The following TEK variants were observed in gnomAD, a reference collection of about 807,000 sequenced individuals.
The protein encoded by TEK is TEK receptor tyrosine kinase.
In TEK, 43 loss-of-function variants were observed where a neutral mutation model predicts 131.8. The observed-to-expected ratio is 0.33, with a 90% CI of 0.26 to 0.42. The LOEUF (loss-of-function observed/expected upper bound fraction) is 0.42, where lower values mean the gene tolerates loss of function less well. TEK is among the 10% of genes least tolerant of loss of function. The pLI is 1.00. For synonymous variants in TEK, 580 were observed against 491.6 expected (o/e 1.18, Z -2.38); for missense variants, 1,162 against 1,384.4 (o/e 0.84, Z 2.55).
At chr9:27,111,567 G>C (rs1489495720) in intron 1 of TEK, among the ~76,000 whole-genome samples, 2 of 149,962 alleles carry the variant, frequency 1.3e-5, no homozygotes, top group South Asian at 2.1e-4. Context: ...TTTAGTGAAG[G>C]TGGCTCTGGA....
In TEK at chr9:27,115,693, C is replaced by T. The variant is rs542923220; in HGVS notation, c.52+6051C>T. On this transcript the variant is annotated intron_variant, in intron 1 of 22. Transcript: ENST00000380036. ...AAGTCAGGTCCAGTTATAGTTATAACTTGCTCATAGCCAAATGATTTTGAA... is the reference window on the plus strand; with the variant it reads ...AAGTCAGGTCCAGTTATAGTTATAATTTGCTCATAGCCAAATGATTTTGAA... 7.2e-5 allele frequency among the ~76,000 whole-genome samples: 11 copies of T among 152,236 alleles called. No individual in the cohort carries two copies. The South Asian group carries it at 2.1e-3, about 29-fold the overall frequency.
At chr9:27,154,726 G>C (rs942211173) in intron 1 of TEK, among the ~76,000 whole-genome samples, 1 of 152,108 alleles carries the variant, frequency 6.6e-6, no homozygotes, top group Admixed American at 6.5e-5. Context: ...GATCCTTCTG[G>C]TACTGTAAAT....
chr9:27,130,366 A>G (rs1822163647), intron 1 of TEK, among the ~76,000 whole-genome samples: 1 of 152,226 alleles, frequency 6.6e-6, no homozygotes, highest in Non-Finnish European at 1.5e-5. Flanking sequence ...CCACACACCA[A>G]AATAAATTCA....
chr9:27,212,003 A>AG (rs1554701306), intron 16 of TEK, among the ~76,000 whole-genome samples: 133 of 150,442 alleles, frequency 8.8e-4, no homozygotes, highest in African/African-American at 2.5e-3. Context: ...TAAAAAAAAA[A>AG]AGAGAGAGAG....
At chr9:27,189,089 G>T (rs1166727102) in intron 9 of TEK, among the ~76,000 whole-genome samples, 3 of 152,102 alleles carry the variant, frequency 2.0e-5, no homozygotes, top group Admixed American at 2.0e-4. Context: ...AAATCTGAAA[G>T]GTTCTGCATT....
In TEK at chr9:27,229,290, CCTG is replaced by C. The variant is rs1173177570; in HGVS notation, c.*62_*64del. 7.2e-6 allele frequency: 11 copies of C among 1,534,576 alleles called. No homozygotes were observed. In the Admixed American group the frequency reaches 1.5e-4, roughly 21 times the overall value. Reference sequence around the variant, plus strand: ...TCACTGGCATGGGAGACCCTTGACACCTGCTGAGAAAACATGCCTCTGCCAAAG... The same window carrying C: ...TCACTGGCATGGGAGACCCTTGACACCTGAGAAAACATGCCTCTGCCAAAG... On this transcript the variant is annotated 3_prime_UTR_variant, in exon 23 of 23. Transcript: ENST00000380036.
At chr9:27,137,957 G>C (rs1406177960) in intron 1 of TEK, among the ~76,000 whole-genome samples, 1 of 152,114 alleles carries the variant, frequency 6.6e-6, no homozygotes, top group African/African-American at 2.4e-5. Context: ...GATGTGTCTG[G>C]AGTTTCTTCC....
At chr9:27,148,987 T>C (rs1036915760) in intron 1 of TEK, among the ~76,000 whole-genome samples, 2 of 152,240 alleles carry the variant, frequency 1.3e-5, no homozygotes, top group African/African-American at 4.8e-5. Flanking sequence ...GAATGTAAGC[T>C]TTTTGAAGGC....
chr9:27,196,801 A>G (rs368547839), intron 11 of TEK, among the ~76,000 whole-genome samples: 1 of 88,320 alleles, frequency 1.1e-5, no homozygotes, highest in Admixed American at 1.2e-4. Context: ...TTCATAATTT[A>G]TTTATTTTTC....
At chr9:27,206,830 G>T in intron 15 of TEK, 38 bp downstream of exon 15, 1 of 1,601,312 alleles carries the variant, frequency 6.2e-7, no homozygotes, top group Non-Finnish European at 8.5e-7. Context: ...ATTGCGTGAG[G>T]GTGTGGAGAA....
At position 27,209,201 on chromosome 9, in the gene TEK, A is replaced by G. The variant is rs760465316; in HGVS notation, c.2656A>G (p.Ile886Val). 3.7e-6 allele frequency: 6 copies of G among 1,613,866 alleles called. No individual in the cohort carries two copies. The highest frequency in any genetic ancestry group is 1.1e-5 in the South Asian group (1 of 91,090). ...LCKLGHHPNIINLLGACEHRG... is the reference protein window; with the variant it reads ...LCKLGHHPNIVNLLGACEHRG... ...TAAACTTGGACACCATCCAAACATC[A>G]TCAATCTCTTAGGAGCATGTGAACA... Residue 886 changes from isoleucine to valine, a missense_variant, in exon 16 of 23, where the codon ATC becomes GTC. Around this residue, in one of 6 missense-constraint regions of TEK, gnomAD observed 57 missense variants for 100.8 expected, o/e 0.57. Coordinates refer to ENST00000380036, the MANE Select transcript of TEK (RefSeq NM_000459.5).
chr9:27,220,019 G>A (rs545245732), intron 20 of TEK, 30 bp from the exon 21 acceptor site: 1 of 1,607,280 alleles, frequency 6.2e-7, no homozygotes, highest in Middle Eastern at 1.7e-4. Context: ...ATGCCAGAGA[G>A]GACTTAGAGT....
rs567940435 is a variant in TEK, at chr9:27,198,234, A to G, written c.1909+635A>G. On this transcript the variant is annotated intron_variant, in intron 12 of 22. Transcript: ENST00000380036. ...CTGTGTGCATTTGGAACCCTTGGAA[A>G]GGTAAACTATTTCTTGGCCACACAC... 6.2e-5 allele frequency: 10 copies of G among 161,296 alleles called. No homozygotes were observed. The South Asian group carries it at 1.7e-3, about 28-fold the overall frequency. The allele number at this position is 161,296 out of a possible 1,614,324, so 10.0% of individuals were successfully genotyped here. A position where few individuals can be genotyped will look rare whatever the true frequency, so the allele number is the denominator to read the frequency against.
intron 9 of TEK, among the ~76,000 whole-genome samples, chr9:27,189,973 A>C (rs1405893102): frequency 6.6e-6 from 1 of 152,184 alleles, no homozygotes; most frequent in Non-Finnish European, 1.5e-5. Context: ...ATGAAGGAAA[A>C]GTAGAGGTTC....
At chr9:27,149,059 C>T (rs898405320) in intron 1 of TEK, among the ~76,000 whole-genome samples, 3 of 151,832 alleles carry the variant, frequency 2.0e-5, no homozygotes, top group African/African-American at 7.3e-5. Flanking sequence ...AGAGCCCAGC[C>T]CATAGTAATA....
intron 1 of TEK, among the ~76,000 whole-genome samples, chr9:27,151,086 G>T (rs1823111551): frequency 6.6e-6 from 1 of 152,158 alleles, no homozygotes; most frequent in Admixed American, 6.5e-5. Context: ...CAATAAAAAT[G>T]TTAGCAACTT....
At chr9:27,122,420 A>T (rs1162144510) in intron 1 of TEK, among the ~76,000 whole-genome samples, 3 of 152,128 alleles carry the variant, frequency 2.0e-5, no homozygotes, top group Admixed American at 6.5e-5. Flanking sequence ...AAAGCATGAA[A>T]ATTTGGGATA....
intron 2 of TEK, among the ~76,000 whole-genome samples, chr9:27,159,298 T>C (rs1049320570): frequency 6.6e-6 from 1 of 152,178 alleles, no homozygotes; most frequent in Admixed American, 6.5e-5. Context: ...ACATGAGATG[T>C]AGACATGAGG....
At chr9:27,139,392 A>G (rs191164221) in intron 1 of TEK, among the ~76,000 whole-genome samples, 356 of 135,858 alleles carry the variant, frequency 2.6e-3, no homozygotes, top group African/African-American at 9.4e-3. Flanking sequence ...CAGTGGTGCA[A>G]TCTCGGCTCA....
Sources: gnomAD v4.1 joint callset for allele counts (sites outside exome capture counted in the v4.1 genomes callset) on GRCh38, gnomAD v4.1.1 for gene constraint, gnomAD v4.1.1 regional missense constraint, MANE v1.5 for transcripts, NCBI Gene and HGNC (gene_info 2026-07-23, HGNC 2026-07-21) for gene names.